Variants in CDH20 observed in about 807,000 individuals in gnomAD.
The protein encoded by CDH20 is cadherin-20.
In CDH20, 29 loss-of-function variants were observed where a neutral mutation model predicts 74.2. The ratio of observed to expected loss-of-function variants is 0.39; its 90% CI spans 0.29 to 0.53. The LOEUF is 0.53. Ranked by LOEUF, CDH20 falls within the 20% of genes least tolerant of loss-of-function variation. The pLI is 0.69. For synonymous variants in CDH20, 469 were observed against 405.4 expected, an observed-to-expected ratio of 1.16 and a Z score of -1.88; for missense variants, 988 against 1,048.3, an observed-to-expected ratio of 0.94 and a Z score of 0.79.
intron 5 of CDH20, 36 bp from the exon 6 acceptor site, chr18:61,507,337 A>C (rs1182959018): frequency 6.3e-7 from 1 of 1,589,690 alleles, no homozygotes; most frequent in Non-Finnish European, 8.6e-7. Context: ...ATAGTGACGG[A>C]TTATCAAGAA....
At chr18:61,426,456 T>C (rs1200990879) in intron 1 of CDH20, among the ~76,000 whole-genome samples, 2 of 152,140 alleles carry the variant, frequency 1.3e-5, no homozygotes, top group South Asian at 4.1e-4. Flanking sequence ...TCTCGAAATA[T>C]AGAATTTTTA....
rs555910886 is a variant in CDH20, at chr18:61,539,788, C to G, written c.1530+643C>G. Among the ~76,000 whole-genome samples the G allele has an allele frequency of 5.3e-5, 8 of 152,318 alleles. No homozygotes were observed. In the East Asian group the frequency reaches 1.5e-3, roughly 29 times the overall value. Reference sequence around the variant, plus strand: ...GGACTCCCTGGCCTATCTCAGAATGCTGCCACCTAGAATGACCTACCTTCT... The same window carrying G: ...GGACTCCCTGGCCTATCTCAGAATGGTGCCACCTAGAATGACCTACCTTCT... On this transcript the variant is annotated intron_variant, in intron 9 of 11. Transcript: ENST00000262717.
At chr18:61,454,495 G>C (rs952500031) in intron 1 of CDH20, among the ~76,000 whole-genome samples, 1 of 152,136 alleles carries the variant, frequency 6.6e-6, no homozygotes, top group Non-Finnish European at 1.5e-5. Flanking sequence ...TTATTGCAAA[G>C]AAAACACACA....
intron 1 of CDH20, among the ~76,000 whole-genome samples, chr18:61,368,072 C>A (rs1207315014): frequency 1.3e-5 from 2 of 152,106 alleles, no homozygotes; most frequent in Non-Finnish European, 2.9e-5. Flanking sequence ...GGGGTTGGGA[C>A]TTCAACATAT....
chr18:61,456,658 A>AACAAAAAAC (rs1909580718), intron 1 of CDH20, among the ~76,000 whole-genome samples: 1 of 152,170 alleles, frequency 6.6e-6, no homozygotes, highest in African/African-American at 2.4e-5. Context: ...TTAAAAAAAA[A>AACAAAAAAC]ACAAAAAACA....
At chr18:61,507,688 T>TA in intron 6 of CDH20, 128 bp downstream of exon 6, 2 of 587,656 alleles carry the variant, frequency 3.4e-6, no homozygotes, top group Non-Finnish European at 5.4e-6. Context: ...TTCCTATTAT[T>TA]TAAAAAAAAA....
chr18:61,356,560 A>G (rs536861809), intron 1 of CDH20, among the ~76,000 whole-genome samples: 280 of 152,336 alleles, frequency 1.8e-3, no homozygotes, highest in Non-Finnish European at 3.6e-3. Flanking sequence ...TGGAATGAGT[A>G]TAAGTTATTA....
At chr18:61,385,737 C>CT (rs1384891162) in intron 1 of CDH20, among the ~76,000 whole-genome samples, 1 of 151,932 alleles carries the variant, frequency 6.6e-6, no homozygotes, top group East Asian at 1.9e-4. Context: ...TTGAGACCAG[C>CT]TGGCCAACAT....
At chr18:61,385,266 ACTGT>A (rs1484047149) in intron 1 of CDH20, among the ~76,000 whole-genome samples, 19 of 152,206 alleles carry the variant, frequency 1.2e-4, no homozygotes, top group African/African-American at 4.6e-4. Context: ...ATTATGTGAG[ACTGT>A]CAGTAAGCTC....
At chr18:61,517,455 G>C (rs1338230676) in intron 6 of CDH20, among the ~76,000 whole-genome samples, 1 of 152,150 alleles carries the variant, frequency 6.6e-6, no homozygotes, top group Non-Finnish European at 1.5e-5. Context: ...AGCAGGGTGG[G>C]GCGTTACCTC....
intron 2 of CDH20, among the ~76,000 whole-genome samples, chr18:61,492,403 C>G (rs921780224): frequency 2.6e-5 from 4 of 152,182 alleles, no homozygotes; most frequent in African/African-American, 9.7e-5. Flanking sequence ...TCCCTCCCAT[C>G]TGTTCTCCAC....
chr18:61,490,860 G>A, intron 2 of CDH20, 61 bp downstream of exon 2: 2 of 1,558,662 alleles, frequency 1.3e-6, no homozygotes, highest in Admixed American at 1.7e-5. Context: ...TATGAATTGA[G>A]TATCAAAGTT....
At chr18:61,404,936 T>G (rs1912280441) in intron 1 of CDH20, 2 of 705,910 alleles carry the variant, frequency 2.8e-6, no homozygotes, top group Non-Finnish European at 5.3e-6. Context: ...GTGTGCATAC[T>G]CTGTAGTATT....
chr18:61,554,290 C>A lies in CDH20; in HGVS notation c.2001C>A (p.Asp667Glu). 4 of 1,613,930 alleles carry A rather than the reference C, an allele frequency of 2.5e-6. No homozygotes were observed. The highest frequency in any genetic ancestry group is 3.4e-6 in the Non-Finnish European group (4 of 1,179,986). The change falls in exon 12 of 12, where the codon GAC (aspartate) becomes GAA (glutamate). Residue 667 changes from aspartate to glutamate, a missense_variant. Coordinates refer to ENST00000262717, the MANE Select transcript of CDH20 (RefSeq NM_031891.4). The stretch of plus-strand genomic sequence containing the variant: ...ACGAGAACATCGTCCGCTACGACGA[C>A]GAGGGCGGCGGCGAGGAGGACACCG... ...NIHENIVRYD[D>E]EGGGEEDTEA...
intron 1 of CDH20, among the ~76,000 whole-genome samples, chr18:61,481,466 C>T (rs1910586253): frequency 6.6e-6 from 1 of 152,100 alleles, no homozygotes; most frequent in Non-Finnish European, 1.5e-5. Context: ...GTCCTGATTC[C>T]AAATGATACA....
intron 1 of CDH20, among the ~76,000 whole-genome samples, chr18:61,467,686 T>A (rs1044410960): frequency 6.6e-6 from 1 of 152,206 alleles, no homozygotes; most frequent in Non-Finnish European, 1.5e-5. Context: ...GAGCATCTCT[T>A]ATGTTCTACA....
intron 1 of CDH20, among the ~76,000 whole-genome samples, chr18:61,414,699 T>C (rs1912627530): frequency 1.3e-5 from 2 of 152,000 alleles, no homozygotes; most frequent in East Asian, 3.9e-4. Context: ...ATGAAAACAT[T>C]TTATAGAAAC....
chr18:61,346,865 G>C (rs558053783), intron 1 of CDH20, among the ~76,000 whole-genome samples: 1 of 151,992 alleles, frequency 6.6e-6, no homozygotes, highest in South Asian at 2.1e-4. Context: ...AAGTCCAGGC[G>C]CCCAAGCTTG....
intron 6 of CDH20, among the ~76,000 whole-genome samples, chr18:61,513,826 C>A (rs1911876731): frequency 1.3e-5 from 2 of 152,158 alleles, no homozygotes; most frequent in African/African-American, 4.8e-5. Context: ...TGAATATTGG[C>A]CCCCACTCTC....
Sources: gnomAD v4.1 joint callset for allele counts (sites outside exome capture counted in the v4.1 genomes callset) on GRCh38, gnomAD v4.1.1 for gene constraint, MANE v1.5 for transcripts, NCBI Gene and HGNC (gene_info 2026-07-23, HGNC 2026-07-21) for gene names.